The following TCF7L2 variants were observed in gnomAD, a reference collection of about 807,000 sequenced individuals.
TCF7L2 encodes the protein transcription factor 7-like 2.
TCF7L2 carries 23 observed loss-of-function variants against 77.9 expected under a neutral mutation model. The observed-to-expected ratio is 0.30, with a 90% confidence interval of 0.21 to 0.42. The LOEUF (loss-of-function observed/expected upper bound fraction) is 0.42. Among genes scored for constraint, TCF7L2 ranks in the 10% least tolerant of loss-of-function variants. TCF7L2 has a pLI of 1.00. For missense variants in TCF7L2, 654 were observed against 793.1 expected, an observed-to-expected ratio of 0.82 and a Z score of 2.11; for synonymous variants, 413 against 340.2, an observed-to-expected ratio of 1.21 and a Z score of -2.36.
intron 4 of TCF7L2, among the ~76,000 whole-genome samples, chr10:112,977,970 A>G (rs953002588): frequency 6.6e-6 from 1 of 152,208 alleles, no homozygotes; most frequent in African/African-American, 2.4e-5. Flanking sequence ...AGCCCAAAAC[A>G]TAAAGGAAAT....
chr10:112,961,254 A>ACCGCCCC (rs1349844083), intron 3 of TCF7L2, among the ~76,000 whole-genome samples: 26 of 60,468 alleles, frequency 4.3e-4, no homozygotes, highest in East Asian at 2.5e-3. Context: ...ACCTCAGGTG[A>ACCGCCCC]CCCCCCCCCC....
At chr10:113,042,688 C>G (rs937072378) in intron 5 of TCF7L2, among the ~76,000 whole-genome samples, 2 of 152,122 alleles carry the variant, frequency 1.3e-5, no homozygotes, top group African/African-American at 4.8e-5. Flanking sequence ...CGTTGTTGAC[C>G]TCTATCCACC....
At chr10:112,967,577 A>G (rs1019918712) in intron 4 of TCF7L2, among the ~76,000 whole-genome samples, 2 of 152,186 alleles carry the variant, frequency 1.3e-5, no homozygotes, top group Admixed American at 6.5e-5. Flanking sequence ...AGAGCAACTC[A>G]GATGGCCACG....
At chr10:113,072,861 G>A (rs2058200951) in intron 5 of TCF7L2, among the ~76,000 whole-genome samples, 1 of 152,174 alleles carries the variant, frequency 6.6e-6, no homozygotes, top group African/African-American at 2.4e-5. Context: ...AAAAGAAGCA[G>A]CACGAGTCTC....
chr10:112,958,163 T>C (rs890033073), intron 3 of TCF7L2, among the ~76,000 whole-genome samples: 16 of 152,220 alleles, frequency 1.1e-4, no homozygotes, highest in African/African-American at 3.9e-4. Flanking sequence ...TTTTTCTCCT[T>C]AGGCACATCT....
chr10:112,955,952 G>A (rs371702250), intron 3 of TCF7L2, among the ~76,000 whole-genome samples: 57 of 151,810 alleles, frequency 3.8e-4, no homozygotes, highest in Middle Eastern at 3.4e-3. Flanking sequence ...TACATCCCAC[G>A]AGGTGCCCCT....
At chr10:113,008,124 G>GT in intron 4 of TCF7L2, among the ~76,000 whole-genome samples, 1 of 152,240 alleles carries the variant, frequency 6.6e-6, no homozygotes, top group East Asian at 1.9e-4. Context: ...CAGACACTTT[G>GT]GTTGTTGTTT....
chr10:113,072,441 G>A (rs908376311), intron 5 of TCF7L2, among the ~76,000 whole-genome samples: 13 of 151,980 alleles, frequency 8.6e-5, no homozygotes, highest in African/African-American at 4.8e-5. Flanking sequence ...TGCAACTTGC[G>A]CCTCCCGGGT....
At chr10:113,031,062 G>C (rs1185756138) in intron 4 of TCF7L2, among the ~76,000 whole-genome samples, 1 of 152,200 alleles carries the variant, frequency 6.6e-6, no homozygotes, top group Non-Finnish European at 1.5e-5. Context: ...AAGCTCAGTA[G>C]GGTGTAGGCA....
intron 5 of TCF7L2, chr10:113,089,558 A>G: frequency 6.2e-7 from 1 of 1,613,040 alleles, no homozygotes; most frequent in Non-Finnish European, 8.5e-7. Flanking sequence ...TCGGAGCAGA[A>G]TCACGGTATG....
chr10:113,137,426 G>A (rs1001277320), intron 5 of TCF7L2, among the ~76,000 whole-genome samples: 2 of 152,238 alleles, frequency 1.3e-5, no homozygotes, highest in South Asian at 2.1e-4. Context: ...AACTCTGCGA[G>A]GTAGACACGA....
At chr10:113,091,987 A>G (rs1289677257) in intron 5 of TCF7L2, among the ~76,000 whole-genome samples, 1 of 152,220 alleles carries the variant, frequency 6.6e-6, no homozygotes, top group African/African-American at 2.4e-5. Flanking sequence ...GCTATTTATG[A>G]TAAGATGATA....
chr10:112,964,650 C>G, intron 4 of TCF7L2, 26 bp downstream of exon 4: 1 of 1,597,632 alleles, frequency 6.3e-7, no homozygotes, highest in Non-Finnish European at 8.6e-7. Context: ...GATTCTGAAG[C>G]TTGAATTGTC....
At chr10:112,996,492 T>C (rs2043510165) in intron 4 of TCF7L2, among the ~76,000 whole-genome samples, 1 of 152,200 alleles carries the variant, frequency 6.6e-6, no homozygotes, top group Non-Finnish European at 1.5e-5. Flanking sequence ...ATGGTTGCAC[T>C]CTCAAACCAG....
intron 4 of TCF7L2, among the ~76,000 whole-genome samples, chr10:112,996,631 AC>A (rs1480116173): frequency 1.3e-5 from 2 of 152,118 alleles, no homozygotes; most frequent in Non-Finnish European, 2.9e-5. Context: ...TCCTAAGCTG[AC>A]TTCTGGAGGG....
At chr10:113,147,452 A>G (rs376597044) in intron 8 of TCF7L2, among the ~76,000 whole-genome samples, 1 of 152,334 alleles carries the variant, frequency 6.6e-6, no homozygotes, top group Non-Finnish European at 1.5e-5. Context: ...GAAGAGATCC[A>G]TTTTCTACCT....
intron 4 of TCF7L2, among the ~76,000 whole-genome samples, chr10:112,981,729 C>T (rs1448171840): frequency 6.6e-6 from 1 of 152,166 alleles, no homozygotes; most frequent in Non-Finnish European, 1.5e-5. Flanking sequence ...TTGATTTCGG[C>T]CTCAGTGGTT....
chr10:113,126,802 G>A (rs2065697233), intron 5 of TCF7L2: 2 of 986,394 alleles, frequency 2.0e-6, no homozygotes, highest in South Asian at 9.4e-5. Flanking sequence ...GCCGGCGCGG[G>A]CCCTGGGCAG....
intron 4 of TCF7L2, among the ~76,000 whole-genome samples, chr10:113,026,113 A>G (rs1323575941): frequency 6.6e-6 from 1 of 151,852 alleles, no homozygotes; most frequent in Non-Finnish European, 1.5e-5. Context: ...TCCTGACCTC[A>G]GGTGATCTAA....
Sources: gnomAD v4.1 joint callset for allele counts (sites outside exome capture counted in the v4.1 genomes callset) on GRCh38, gnomAD v4.1.1 for gene constraint, MANE v1.5 for transcripts, NCBI Gene and HGNC (gene_info 2026-07-23, HGNC 2026-07-21) for gene names.